The following PTPRJ variants were observed in gnomAD, a reference collection of about 807,000 sequenced individuals.
PTPRJ encodes the protein receptor-type tyrosine-protein phosphatase eta.
PTPRJ carries 129 observed loss-of-function variants against 141.3 expected under a neutral mutation model. The observed-to-expected ratio is 0.91, with a 90% CI of 0.79 to 1.06. The LOEUF is 1.06. Ranked by LOEUF, PTPRJ falls within the 50% of genes least tolerant of loss-of-function variation. PTPRJ has a pLI of 0.00. For synonymous variants in PTPRJ, 610 were observed against 640.5 expected (o/e 0.95, Z 0.72); for missense variants, 1,601 against 1,679.7 (o/e 0.95, Z 0.82).
At position 48,150,101 on chromosome 11, in the gene PTPRJ, A is replaced by G; in HGVS notation, c.3056A>G (p.Lys1019Arg). The change falls in exon 18 of 25, where the codon AAG becomes AGG. Residue 1019 changes from lysine (K) to arginine (R), a missense_variant. Lys to Arg is a conservative substitution (Grantham distance 26, BLOSUM62 2). Transcript: ENST00000418331. ...SFSQIKPKKS[K>R]LIRVENFEAY... ...GATAAGTTTTGTTTTCTTAGATCTA[A>G]GTTAATCAGAGTGGAGAATTTTGAG... 6.2e-7 allele frequency: 1 copy of G among 1,613,696 alleles called. No individual in the cohort carries two copies. The highest frequency in any genetic ancestry group is 8.5e-7 in the Non-Finnish European group (1 of 1,179,656).
At chr11:48,118,944 C>T (rs563955560) in intron 3 of PTPRJ, among the ~76,000 whole-genome samples, 12 of 136,558 alleles carry the variant, frequency 8.8e-5, no homozygotes, top group African/African-American at 2.9e-4. Flanking sequence ...CGCCTGAACC[C>T]GGGAGGCAGA....
intron 1 of PTPRJ, among the ~76,000 whole-genome samples, chr11:47,985,794 G>A (rs1281488063): frequency 6.6e-6 from 1 of 152,006 alleles, no homozygotes; most frequent in Non-Finnish European, 1.5e-5. Flanking sequence ...TCCATCTCCC[G>A]GGTTCAAGCG....
At chr11:48,129,075 G>C (rs752267985) in intron 7 of PTPRJ, among the ~76,000 whole-genome samples, 8 of 152,214 alleles carry the variant, frequency 5.3e-5, no homozygotes, top group Non-Finnish European at 8.8e-5. Context: ...CAGAAGCCCA[G>C]TGCTAGGCAG....
chr11:48,072,289 G>A (rs961749090), intron 1 of PTPRJ, among the ~76,000 whole-genome samples: 4 of 152,192 alleles, frequency 2.6e-5, no homozygotes, highest in African/African-American at 9.6e-5. Flanking sequence ...GCCAGCATCT[G>A]GCCAGGGCCT....
intron 1 of PTPRJ, among the ~76,000 whole-genome samples, chr11:48,024,354 C>T (rs902768726): frequency 5.9e-5 from 9 of 152,132 alleles, no homozygotes; most frequent in Non-Finnish European, 1.2e-4. Context: ...CATGCCACCA[C>T]AGCCGGCTAA....
chr11:48,087,583 T>C (rs1352845211), intron 1 of PTPRJ, among the ~76,000 whole-genome samples: 1 of 152,292 alleles, frequency 6.6e-6, no homozygotes, highest in East Asian at 1.9e-4. Flanking sequence ...CATAAAGAAC[T>C]TCAGGCTCAG....
At chr11:48,082,322 AGCCTCAAAACACCTG>A (rs1855579999) in intron 1 of PTPRJ, among the ~76,000 whole-genome samples, 1 of 151,842 alleles carries the variant, frequency 6.6e-6, no homozygotes, top group Non-Finnish European at 1.5e-5. Context: ...AGCTCACTGC[AGCCTCAAAACACCTG>A]GCCTCAAGTG....
intron 10 of PTPRJ, among the ~76,000 whole-genome samples, chr11:48,139,226 T>C (rs1411448262): frequency 3.3e-5 from 5 of 152,172 alleles, no homozygotes; most frequent in Non-Finnish European, 7.3e-5. Flanking sequence ...GGAGCCCTGG[T>C]CTCTTCCAGG....
chr11:48,155,448 A>G (rs996416236), intron 19 of PTPRJ, among the ~76,000 whole-genome samples: 27 of 152,188 alleles, frequency 1.8e-4, no homozygotes, highest in South Asian at 2.1e-4. Flanking sequence ...ATTGTTTAGC[A>G]TATTCCCTCA....
At chr11:48,063,725 C>T (rs751209768) in intron 1 of PTPRJ, among the ~76,000 whole-genome samples, 1 of 152,194 alleles carries the variant, frequency 6.6e-6, no homozygotes, top group Non-Finnish European at 1.5e-5. Flanking sequence ...AAATGCTTGC[C>T]ATTCCTTTTG....
intron 1 of PTPRJ, among the ~76,000 whole-genome samples, chr11:48,020,468 G>T (rs756279486): frequency 2.0e-5 from 3 of 152,126 alleles, no homozygotes; most frequent in African/African-American, 7.2e-5. Context: ...GTGTGGCCCC[G>T]TTTCCTTCTA....
At chr11:48,159,161 G>GTGTGTGT (rs60389100) in intron 21 of PTPRJ, among the ~76,000 whole-genome samples, 11 of 130,614 alleles carry the variant, frequency 8.4e-5, no homozygotes, top group African/African-American at 1.2e-4. Context: ...GTGTGTGTGT[G>GTGTGTGT]GTCATTTGCC....
At chr11:48,151,542 T>C (rs1400238225) in intron 18 of PTPRJ, among the ~76,000 whole-genome samples, 2 of 151,596 alleles carry the variant, frequency 1.3e-5, no homozygotes, top group Non-Finnish European at 2.9e-5. Flanking sequence ...GCCATGTTGG[T>C]GTGCTGCACC....
chr11:48,127,413 T>C (rs1329730430), intron 6 of PTPRJ, among the ~76,000 whole-genome samples: 1 of 152,200 alleles, frequency 6.6e-6, no homozygotes, highest in Non-Finnish European at 1.5e-5. Flanking sequence ...TCTCGGGCGA[T>C]CACATAGATC....
chr11:48,097,201 G>A (rs1374999350), intron 1 of PTPRJ, among the ~76,000 whole-genome samples: 1 of 152,150 alleles, frequency 6.6e-6, no homozygotes, highest in Non-Finnish European at 1.5e-5. Context: ...GGGAGTTTAT[G>A]CTCGTCCTCA....
Position 48,158,856 on chromosome 11 carries a change from G to A in PTPRJ, c.3439-1074G>A, listed in dbSNP as rs1478849927. Among the ~76,000 whole-genome samples, 1 of 152,152 alleles carries A rather than the reference G, an allele frequency of 6.6e-6. No homozygotes were observed. The highest frequency in any genetic ancestry group is 1.5e-5 in the Non-Finnish European group (1 of 68,038). On this transcript the variant is annotated intron_variant, in intron 21 of 24. Coordinates refer to ENST00000418331, the MANE Select transcript of PTPRJ (RefSeq NM_002843.4). This position sits in a 1 kb window ranked among gnomAD's most constrained non-coding sequence, Gnocchi z 4.4. ...AGTCCAAACTCCTCTGGAAGCTGAG[G>A]TGGGAGGATCACTTGAGCCTGAGAG...
At position 48,112,378 on chromosome 11, in the gene PTPRJ, C is replaced by A. The variant is rs532484103; in HGVS notation, c.116-369C>A. Among the ~76,000 whole-genome samples the A allele has an allele frequency of 2.6e-5, 4 of 152,298 alleles. No individual in the cohort carries two copies. In the South Asian group the frequency reaches 8.3e-4, roughly 32 times the overall value. ...GGGGTCAAGAGTGGTCTCTGCTGCA[C>A]CTCCCTGAACAGAGACTCTAGGAGA... On this transcript the variant is annotated intron_variant, in intron 2 of 24. Coordinates refer to ENST00000418331, the MANE Select transcript of PTPRJ (RefSeq NM_002843.4).
intron 1 of PTPRJ, among the ~76,000 whole-genome samples, chr11:48,012,120 GGT>G (rs1482506961): frequency 6.6e-6 from 1 of 152,134 alleles, no homozygotes; most frequent in African/African-American, 2.4e-5. Context: ...TTGGGGGCAT[GGT>G]GTGGGGGACC....
intron 1 of PTPRJ, among the ~76,000 whole-genome samples, chr11:48,038,355 T>A (rs912301946): frequency 6.6e-6 from 1 of 152,204 alleles, no homozygotes. Context: ...GGTTACTGCA[T>A]GAGACACAGA....
Sources: allele counts gnomAD v4.1 joint callset (sites outside exome capture counted in the v4.1 genomes callset), GRCh38; gene constraint gnomAD v4.1.1; non-coding constraint Gnocchi (gnomAD v3.1); transcripts MANE v1.5; gene names NCBI Gene and HGNC (gene_info 2026-07-23, HGNC 2026-07-21).